MRPL35: variants seen among roughly 807,000 people sequenced by gnomAD.
MRPL35 encodes mitochondrial ribosomal protein L35.
In MRPL35, 18 loss-of-function variants were observed where a neutral mutation model predicts 21.6. The ratio of observed to expected loss-of-function variants is 0.83; its 90% CI spans 0.58 to 1.24. The LOEUF (loss-of-function observed/expected upper bound fraction) is 1.24. Ranked by LOEUF, MRPL35 falls within the 50% of genes most tolerant of loss-of-function variation. The pLI is 0.00. For synonymous variants in MRPL35, 87 were observed against 86.9 expected, an observed-to-expected ratio of 1.00 and a Z score of -0.01; for missense variants, 223 against 223.2, an observed-to-expected ratio of 1.00 and a Z score of 0.01.
At chr2:86,208,278 C>T (rs960977682) in intron 3 of MRPL35, among the ~76,000 whole-genome samples, 4 of 151,604 alleles carry the variant, frequency 2.6e-5, no homozygotes, top group African/African-American at 9.7e-5. Flanking sequence ...CCACTGGAAA[C>T]ATTTCTTCCC....
rs1276152749 is a variant in MRPL35, at chr2:86,211,160, C to G, written c.*492C>G. The G allele has an allele frequency of 3.1e-5, 31 of 985,626 alleles. No homozygotes were observed. Among genetic ancestry groups the G allele is most frequent in the Non-Finnish European group, 3.5e-5 (29 of 830,152 alleles). The allele number at this position is 985,626 out of a possible 1,614,324, so 61.1% of individuals were successfully genotyped here. ...AGGCTTGGGCTCTGCATGCATGTGA[C>G]TTGCTTCTTTTTGCATTGTTAACTC... is the stretch of plus-strand genomic sequence containing the variant. On this transcript the variant is annotated 3_prime_UTR_variant, in exon 4 of 4. Transcript: ENST00000337109.
intron 3 of MRPL35, among the ~76,000 whole-genome samples, chr2:86,209,943 G>C (rs1279704371): frequency 1.3e-5 from 2 of 152,174 alleles, no homozygotes; most frequent in Non-Finnish European, 2.9e-5. Context: ...AGGAGGTAGA[G>C]GCTGCAGTGA....
At chr2:86,206,020 A>G in intron 1 of MRPL35, 86 bp from the exon 2 acceptor site, 1 of 1,168,966 alleles carries the variant, frequency 8.6e-7, no homozygotes, top group Non-Finnish European at 1.2e-6. Context: ...TATGTTTAAT[A>G]CTTGGTGGCA....
rs1673906511 is a variant in MRPL35 at position 86,211,772 on chromosome 2, G to C, written c.*1104G>C. On this transcript the variant is annotated 3_prime_UTR_variant, in exon 4 of 4. Coordinates refer to ENST00000337109, the MANE Select transcript of MRPL35 (RefSeq NM_016622.4). ...AGCCTCGCACTCCTGGGCTCAAGTG[G>C]TCCTCCTGCCTCAGCTTACTGAGTA... 1 of 984,150 alleles carries C rather than the reference G, an allele frequency of 1.0e-6. No homozygotes were observed. The highest frequency in any genetic ancestry group is 1.2e-6 in the Non-Finnish European group (1 of 828,832). 61.0% of individuals were successfully genotyped at this position (984,150 alleles called of 1,614,324 possible).
Position 86,213,117 on chromosome 2 carries a change from C to T in MRPL35, c.*2449C>T. ...TAAGACCCAGAATCTCAGTCTCACTCCTTGGGATCCTGTGTATTTCCCTGA... is the reference window on the plus strand; with the variant it reads ...TAAGACCCAGAATCTCAGTCTCACTTCTTGGGATCCTGTGTATTTCCCTGA... On this transcript the variant is annotated 3_prime_UTR_variant, in exon 4 of 4. Coordinates refer to ENST00000337109, the MANE Select transcript of MRPL35 (RefSeq NM_016622.4). 1.0e-6 allele frequency: 1 copy of T among 985,906 alleles called. No individual in the cohort carries two copies. The highest frequency in any genetic ancestry group is 1.2e-6 in the Non-Finnish European group (1 of 830,274). 61.1% of individuals were successfully genotyped at this position (985,906 alleles called of 1,614,324 possible). A position where few individuals can be genotyped will look rare whatever the true frequency, so the allele number is the denominator to read the frequency against.
intron 1 of MRPL35, among the ~76,000 whole-genome samples, chr2:86,201,392 T>C (rs1673682893): frequency 6.6e-6 from 1 of 152,232 alleles, no homozygotes; most frequent in Non-Finnish European, 1.5e-5. Flanking sequence ...ATTGGATTGT[T>C]TGTCTTATTT....
intron 3 of MRPL35, among the ~76,000 whole-genome samples, chr2:86,208,776 C>A (rs1159395891): frequency 2.0e-5 from 3 of 152,112 alleles, no homozygotes; most frequent in Non-Finnish European, 4.4e-5. Flanking sequence ...TACCTAGCTT[C>A]AGTTCAGGGC....
rs769049845 is a variant in MRPL35, at chr2:86,210,712, T to C, written c.*44T>C. 1.2e-5 allele frequency: 19 copies of C among 1,561,330 alleles called. No homozygotes were observed. In the Admixed American group the frequency reaches 3.7e-4, roughly 30 times the overall value. Reference sequence around the variant, plus strand: ...TTCTCAGTTATTGGATATGTATCTTTGTGTACATATCTTTGCAAAAATGGA... The same window carrying C: ...TTCTCAGTTATTGGATATGTATCTTCGTGTACATATCTTTGCAAAAATGGA... On this transcript the variant is annotated 3_prime_UTR_variant, in exon 4 of 4. Transcript: ENST00000337109.
Position 86,211,504 on chromosome 2 carries a change from C to T in MRPL35, c.*836C>T. On this transcript the variant is annotated 3_prime_UTR_variant, in exon 4 of 4. Coordinates refer to ENST00000337109, the MANE Select transcript of MRPL35 (RefSeq NM_016622.4). ...GAGGTTCACATGGGGTGGCAGCACA[C>T]TTAACATCTAACACACCAGGTTCAT... 9.1e-6 allele frequency: 9 copies of T among 985,406 alleles called. No homozygotes were observed. Among genetic ancestry groups the T allele is most frequent in the Non-Finnish European group, 1.1e-5 (9 of 829,932 alleles). The allele number at this position is 985,406 out of a possible 1,614,324, so 61.0% of individuals were successfully genotyped here. A position where few individuals can be genotyped will look rare whatever the true frequency, so the allele number is the denominator to read the frequency against.
At chr2:86,204,640 C>G (rs1411472131) in intron 1 of MRPL35, among the ~76,000 whole-genome samples, 2 of 152,080 alleles carry the variant, frequency 1.3e-5, no homozygotes, top group Non-Finnish European at 2.9e-5. Context: ...GATAAGAGGA[C>G]TGCATCCGGA....
intron 1 of MRPL35, among the ~76,000 whole-genome samples, chr2:86,205,524 G>T (rs1673772236): frequency 6.6e-6 from 1 of 152,128 alleles, no homozygotes; most frequent in Non-Finnish European, 1.5e-5. Flanking sequence ...TGTGTAAGTG[G>T]CACTGTGCAG....
At chr2:86,202,797 T>C (rs777852991) in intron 1 of MRPL35, among the ~76,000 whole-genome samples, 3 of 152,052 alleles carry the variant, frequency 2.0e-5, no homozygotes, top group African/African-American at 7.2e-5. Context: ...GTTCAAGCAG[T>C]TCTCCTACCT....
intron 1 of MRPL35, 139 bp downstream of exon 1, chr2:86,199,672 T>A: frequency 9.1e-7 from 1 of 1,096,640 alleles, no homozygotes; most frequent in Non-Finnish European, 1.3e-6. Context: ...CAATTTTCTC[T>A]GGGGCGGTGT....
rs776108076 is a variant in MRPL35, at chr2:86,210,590, G to A, written c.489G>A (p.Thr163=). Residue 163 remains threonine, a synonymous_variant, in exon 4 of 4, where the codon ACG becomes ACA. Coordinates refer to ENST00000337109, the MANE Select transcript of MRPL35 (RefSeq NM_016622.4). The part of the protein sequence containing the change: ...TQSKLLDKMT[T]SFWKRRNWYV... ...GTAAACTCTTAGATAAAATGACGAC[G>A]TCCTTCTGGAAGAGGCGAAACTGGT... 4.2e-5 allele frequency: 68 copies of A among 1,613,784 alleles called. No individual in the cohort carries two copies. Among genetic ancestry groups the A allele is most frequent in the South Asian group, 7.7e-5 (7 of 91,066 alleles).
At chr2:86,201,096 T>G (rs1673676460) in intron 1 of MRPL35, among the ~76,000 whole-genome samples, 2 of 152,200 alleles carry the variant, frequency 1.3e-5, no homozygotes, top group Non-Finnish European at 2.9e-5. Flanking sequence ...TGTGTGAAAA[T>G]CGCTGTGGAA....
chr2:86,206,168 T>C lies in MRPL35; in HGVS notation c.106T>C (p.Ser36Pro). 6.2e-7 allele frequency: 1 copy of C among 1,613,986 alleles called. No individual in the cohort carries two copies. The highest frequency in any genetic ancestry group is 2.2e-5 in the East Asian group (1 of 44,884). Reference protein sequence around the residue: ...STYRNCVKNASLISALSTGRF... With the variant: ...STYRNCVKNAPLISALSTGRF... Reference sequence around the variant, plus strand: ...CTACCGCAACTGTGTCAAGAATGCCTCTCTTATTTCTGCATTGTCCACTGG... The same window carrying C: ...CTACCGCAACTGTGTCAAGAATGCCCCTCTTATTTCTGCATTGTCCACTGG... The change falls in exon 2 of 4, where the codon TCT becomes CCT. Residue 36 changes from serine to proline, a missense_variant. Coordinates refer to ENST00000337109, the MANE Select transcript of MRPL35 (RefSeq NM_016622.4).
Position 86,212,946 on chromosome 2 carries a change from T to A in MRPL35, c.*2278T>A. ...AACACCTACTATGTCCCAGCATATCTACAAAACTGGGTACATACATACTGT... is the reference window on the plus strand; with the variant it reads ...AACACCTACTATGTCCCAGCATATCAACAAAACTGGGTACATACATACTGT... On this transcript the variant is annotated 3_prime_UTR_variant, in exon 4 of 4. Transcript: ENST00000337109. The A allele has an allele frequency of 1.4e-6, 1 of 705,150 alleles. No individual in the cohort carries two copies. Among genetic ancestry groups the A allele is most frequent in the Non-Finnish European group, 1.7e-6 (1 of 574,302 alleles). The allele number at this position is 705,150 out of a possible 1,614,324, so 43.7% of individuals were successfully genotyped here.
chr2:86,202,946 A>G (rs1418808963), intron 1 of MRPL35, among the ~76,000 whole-genome samples: 2 of 152,004 alleles, frequency 1.3e-5, no homozygotes, highest in Admixed American at 6.6e-5. Flanking sequence ...GGGGCCTCCC[A>G]AAGTGTTGGG....
At position 86,206,077 on chromosome 2, in the gene MRPL35, A is replaced by G. The variant is rs1673782366; in HGVS notation, c.44-29A>G. 2.0e-6 allele frequency: 3 copies of G among 1,538,384 alleles called. No homozygotes were observed. The East Asian group carries it at 6.8e-5, about 35-fold the overall frequency. On this transcript the variant is annotated intron_variant, in intron 1 of 3. Coordinates refer to ENST00000337109, the MANE Select transcript of MRPL35 (RefSeq NM_016622.4). ...AATATCTGGATGCATATTTTGGAGT[A>G]TTAAATATATATGCTCCTATCTTTA...
Sources: gnomAD v4.1 joint callset for allele counts (sites outside exome capture counted in the v4.1 genomes callset) on GRCh38, gnomAD v4.1.1 for gene constraint, MANE v1.5 for transcripts, NCBI Gene and HGNC (gene_info 2026-07-23, HGNC 2026-07-21) for gene names.